Variants in CYP4F3 observed in about 807,000 individuals in gnomAD.
CYP4F3 encodes cytochrome P450 family 4 subfamily F member 3, also known as cytochrome P450 4F3.
In CYP4F3, 50 loss-of-function variants were observed where a neutral mutation model predicts 54.8. The observed-to-expected ratio is 0.91, with a 90% CI of 0.73 to 1.16. The LOEUF is 1.16. Ranked by LOEUF, CYP4F3 falls within the 50% of genes most tolerant of loss-of-function variation. The pLI, the probability that CYP4F3 is intolerant of heterozygous loss-of-function variation, is 0.00. For synonymous variants in CYP4F3, 244 were observed against 262.6 expected, an observed-to-expected ratio of 0.93 and a Z score of 0.69; for missense variants, 715 against 676.2, an observed-to-expected ratio of 1.06 and a Z score of -0.64.
At chr19:15,652,467 G>A (rs894140945) in intron 7 of CYP4F3, 102 bp from the exon 8 acceptor site, 1 of 1,550,708 alleles carries the variant, frequency 6.4e-7, no homozygotes, top group Non-Finnish European at 8.8e-7. Context: ...TCTCGAAAGA[G>A]GATGAATCTT....
chr19:15,644,094 G>C, intron 2 of CYP4F3: 1 of 1,484,358 alleles, frequency 6.7e-7, no homozygotes, highest in Non-Finnish European at 8.9e-7. Context: ...TGGTGCATTT[G>C]AGGCCTGCAA....
At chr19:15,651,899 C>T (rs763005941) in intron 7 of CYP4F3, among the ~76,000 whole-genome samples, 1 of 152,148 alleles carries the variant, frequency 6.6e-6, no homozygotes, top group Non-Finnish European at 1.5e-5. Context: ...TCATGTCTTG[C>T]TTACGGCAAT....
chr19:15,649,417 T>C, intron 6 of CYP4F3, 136 bp downstream of exon 6: 1 of 1,422,746 alleles, frequency 7.0e-7, no homozygotes, highest in Non-Finnish European at 9.5e-7. Flanking sequence ...GAAGGACTGG[T>C]ATGAATTTTA....
At chr19:15,642,110 T>C (rs1445767920) in intron 2 of CYP4F3, among the ~76,000 whole-genome samples, 1 of 152,104 alleles carries the variant, frequency 6.6e-6, no homozygotes, top group Non-Finnish European at 1.5e-5. Context: ...CCCAATGGGG[T>C]CCTGTTGCCA....
chr19:15,643,787 G>A (rs143650031), intron 2 of CYP4F3: 2 of 1,251,296 alleles, frequency 1.6e-6, no homozygotes, highest in Non-Finnish European at 1.0e-6. Flanking sequence ...TTGAATGCCA[G>A]TCTCTTCTGG....
chr19:15,642,146 C>G lies in CYP4F3; in HGVS notation c.198+533C>G, dbSNP rs886500016. Among the ~76,000 whole-genome samples, 7 of 152,326 alleles carry G rather than the reference C, an allele frequency of 4.6e-5. No homozygotes were observed. In the South Asian group the frequency reaches 8.3e-4, roughly 18 times the overall value. ...AACCCACATAAAAGTTGGCCACTCA[C>G]TTCCCCTTTCAGAAGCCTTCCCTGA... On this transcript the variant is annotated intron_variant, in intron 2 of 12. Transcript: ENST00000221307.
chr19:15,643,378 G>A (rs1972525595), intron 2 of CYP4F3, among the ~76,000 whole-genome samples: 1 of 150,156 alleles, frequency 6.7e-6, no homozygotes, highest in African/African-American at 2.4e-5. Flanking sequence ...ACATAGATAG[G>A]TAGATATGTA....
chr19:15,658,239 G>T, intron 9 of CYP4F3, 25 bp from the exon 10 acceptor site: 1 of 1,612,454 alleles, frequency 6.2e-7, no homozygotes, highest in Non-Finnish European at 8.5e-7. Context: ...CCTTGATAAG[G>T]ATTGGGGCTG....
chr19:15,653,413 T>C (rs1026467797), intron 9 of CYP4F3, among the ~76,000 whole-genome samples: 2 of 152,162 alleles, frequency 1.3e-5, no homozygotes, highest in African/African-American at 4.8e-5. Flanking sequence ...CAGTCCTCGT[T>C]CAGCAAATAC....
rs902347867 is a variant in CYP4F3, at chr19:15,641,544, C to G, written c.129C>G (p.Asp43Glu). The change falls in exon 2 of 13, where the codon GAC becomes GAG. Residue 43 changes from aspartate to glutamate, a missense_variant. Physicochemically the swap from Asp to Glu is conservative, Grantham distance 45 (BLOSUM62 2). Transcript: ENST00000221307. ...RILAWTYTFYDNCCRLRCFPQ... is the reference protein window; with the variant it reads ...RILAWTYTFYENCCRLRCFPQ... ...TGGCCTGGACCTATACCTTCTATGACAACTGCTGCCGCCTCCGGTGTTTCC... is the reference window on the plus strand; with the variant it reads ...TGGCCTGGACCTATACCTTCTATGAGAACTGCTGCCGCCTCCGGTGTTTCC... The G allele has an allele frequency of 6.2e-7, 1 of 1,614,170 alleles. No homozygotes were observed. The highest frequency in any genetic ancestry group is 1.6e-4 in the Middle Eastern group (1 of 6,062).
intron 12 of CYP4F3, 76 bp downstream of exon 12, chr19:15,658,885 G>A (rs1214865333): frequency 7.1e-6 from 11 of 1,548,294 alleles, no homozygotes; most frequent in East Asian, 4.5e-5. Flanking sequence ...GGGAAAAGGG[G>A]GACATTGTAG....
At chr19:15,656,876 T>C (rs1341991970) in intron 9 of CYP4F3, among the ~76,000 whole-genome samples, 1 of 152,216 alleles carries the variant, frequency 6.6e-6, no homozygotes, top group East Asian at 1.9e-4. Flanking sequence ...TATATATTTG[T>C]CACTTTTTTT....
intron 8 of CYP4F3, 70 bp from the exon 9 acceptor site, chr19:15,652,753 T>G: frequency 6.2e-7 from 1 of 1,601,962 alleles, no homozygotes; most frequent in Non-Finnish European, 8.5e-7. Context: ...AGGTCCTCAA[T>G]GCAAGGTTGC....
intron 9 of CYP4F3, 21 bp downstream of exon 9, chr19:15,652,973 C>G: frequency 6.3e-7 from 1 of 1,589,506 alleles, no homozygotes; most frequent in Non-Finnish European, 8.6e-7. Context: ...GTGCTGGTGC[C>G]CTGTTCCTGA....
At chr19:15,655,181 A>G (rs986599729) in intron 9 of CYP4F3, among the ~76,000 whole-genome samples, 6 of 152,142 alleles carry the variant, frequency 3.9e-5, no homozygotes, top group African/African-American at 1.4e-4. Flanking sequence ...ATTTTAAGAA[A>G]TGTCTATTCA....
intron 5 of CYP4F3, among the ~76,000 whole-genome samples, chr19:15,648,817 A>C (rs1214170781): frequency 1.3e-5 from 2 of 152,194 alleles, no homozygotes; most frequent in African/African-American, 4.8e-5. Flanking sequence ...GGTGGAGCAG[A>C]GTTTCTAACA....
At chr19:15,641,268 C>T in intron 1 of CYP4F3, 147 bp from the exon 2 acceptor site, 1 of 1,026,458 alleles carries the variant, frequency 9.7e-7, no homozygotes, top group South Asian at 1.7e-5. Flanking sequence ...TGGACTTTAC[C>T]CCTCAGCCCC....
intron 1 of CYP4F3, 118 bp from the exon 2 acceptor site, chr19:15,641,297 T>C (rs554663977): frequency 7.6e-7 from 1 of 1,308,514 alleles, no homozygotes; most frequent in Admixed American, 2.2e-5. Context: ...CATCCCTGTT[T>C]ACTCTTACTG....
intron 2 of CYP4F3, among the ~76,000 whole-genome samples, chr19:15,642,532 A>G (rs895311490): frequency 2.7e-4 from 41 of 152,284 alleles, no homozygotes; most frequent in African/African-American, 9.6e-4. Flanking sequence ...CTGAGTCCAC[A>G]CTGCTCCCCA....
Sources: gnomAD v4.1 joint callset for allele counts (sites outside exome capture counted in the v4.1 genomes callset) on GRCh38, gnomAD v4.1.1 for gene constraint, MANE v1.5 for transcripts, NCBI Gene and HGNC (gene_info 2026-07-23, HGNC 2026-07-21) for gene names.